The following KCNQ5 variants were observed in gnomAD, a reference collection of about 807,000 sequenced individuals.
The protein encoded by KCNQ5 is potassium voltage-gated channel subfamily KQT member 5.
A neutral mutation model predicts 98.2 loss-of-function variants in KCNQ5; 30 were observed. The observed-to-expected ratio is 0.31, with a 90% CI of 0.23 to 0.41. KCNQ5 has a LOEUF of 0.41. KCNQ5 is among the 10% of genes least tolerant of loss of function. The pLI, the probability that KCNQ5 is intolerant of heterozygous loss-of-function variation, is 1.00. For missense variants in KCNQ5, 835 were observed against 1,182.5 expected, an observed-to-expected ratio of 0.71 and a Z score of 4.31; for synonymous variants, 458 against 449.4, an observed-to-expected ratio of 1.02 and a Z score of -0.24.
chr6:73,082,919 C>G (rs1773838058), intron 5 of KCNQ5, among the ~76,000 whole-genome samples: 1 of 126,784 alleles, frequency 7.9e-6, no homozygotes, highest in Non-Finnish European at 1.6e-5. Context: ...GAGACAGGGT[C>G]TCACTCTGTC....
intron 3 of KCNQ5, among the ~76,000 whole-genome samples, chr6:73,063,706 AGATAGATAGATAGAT>A (rs869157839): frequency 2.3e-4 from 28 of 124,290 alleles, no homozygotes; most frequent in Non-Finnish European, 3.0e-4. Context: ...ATAGATAGAT[AGATAGATAGATAGAT>A]GATAGATAGA....
chr6:72,903,433 T>C (rs975764759), intron 1 of KCNQ5, among the ~76,000 whole-genome samples: 1 of 152,232 alleles, frequency 6.6e-6, no homozygotes, highest in East Asian at 1.9e-4. Context: ...ATTGTCAGTT[T>C]GTGCTCTTAC....
In KCNQ5 at chr6:72,847,505, G is replaced by A. The variant is rs111635735; in HGVS notation, c.399-156403G>A. Among the ~76,000 whole-genome samples the A allele has an allele frequency of 5.8e-3, 882 of 151,604 alleles. 6 individuals carry two copies. The highest frequency in any genetic ancestry group is 0.02 in the African/African-American group (832 of 40,986). ...GTGGTGATTGGGGGTGGACAACAGC[G>A]ATTTACCAGAAGTGGAAGAGTAAAG... On this transcript the variant is annotated intron_variant, in intron 1 of 13. Coordinates refer to ENST00000370398, the MANE Select transcript of KCNQ5 (RefSeq NM_019842.4).
intron 8 of KCNQ5, among the ~76,000 whole-genome samples, chr6:73,123,275 A>C (rs1439083869): frequency 6.6e-6 from 1 of 152,198 alleles, no homozygotes. Context: ...TTTAGGGAGC[A>C]TCAGAGGCTA....
Position 73,034,099 on chromosome 6 carries a change from T to G in KCNQ5, c.490-7837T>G, listed in dbSNP as rs12529338. On this transcript the variant is annotated intron_variant, in intron 2 of 13. Transcript: ENST00000370398. Reference sequence around the variant, plus strand: ...TTTGGAGCCATCTCTAGATCTTAATTTCATTCCCCTAATATGTGTTATACT... The same window carrying G: ...TTTGGAGCCATCTCTAGATCTTAATGTCATTCCCCTAATATGTGTTATACT... Among the ~76,000 whole-genome samples, 778 of 152,364 alleles carry G rather than the reference T, an allele frequency of 5.1e-3. 6 individuals carry two copies. The highest frequency in any genetic ancestry group is 7.3e-3 in the Non-Finnish European group (495 of 68,032).
At chr6:72,715,072 G>T (rs1241101704) in intron 1 of KCNQ5, among the ~76,000 whole-genome samples, 1 of 152,096 alleles carries the variant, frequency 6.6e-6, no homozygotes, top group East Asian at 1.9e-4. Flanking sequence ...GTCATAAATT[G>T]TCTTTCAATT....
chr6:72,894,140 G>T (rs1779158185), intron 1 of KCNQ5, among the ~76,000 whole-genome samples: 2 of 151,892 alleles, frequency 1.3e-5, no homozygotes, highest in South Asian at 2.1e-4. Context: ...AGCTTTTCTG[G>T]GCCCTTTTAA....
intron 11 of KCNQ5, among the ~76,000 whole-genome samples, chr6:73,179,202 G>A (rs1179391951): frequency 6.6e-6 from 1 of 152,144 alleles, no homozygotes; most frequent in African/African-American, 2.4e-5. Context: ...TTATAAGGAT[G>A]AATTTATTTC....
At chr6:72,828,143 A>G (rs1202167257) in intron 1 of KCNQ5, among the ~76,000 whole-genome samples, 3 of 152,146 alleles carry the variant, frequency 2.0e-5, no homozygotes, top group African/African-American at 7.2e-5. Flanking sequence ...TTTGTAGTAT[A>G]TATTGAGGAC....
intron 1 of KCNQ5, among the ~76,000 whole-genome samples, chr6:72,816,134 G>A (rs1018438111): frequency 6.6e-6 from 1 of 152,124 alleles, no homozygotes; most frequent in Non-Finnish European, 1.5e-5. Context: ...AGGGGGAGAA[G>A]GTGTCAGAAA....
intron 10 of KCNQ5, among the ~76,000 whole-genome samples, chr6:73,152,912 C>A (rs1777211777): frequency 6.6e-6 from 1 of 152,158 alleles, no homozygotes. Context: ...CCTCAACATT[C>A]AATCTGTGTA....
At chr6:72,672,748 T>G (rs1767197279) in intron 1 of KCNQ5, among the ~76,000 whole-genome samples, 1 of 152,214 alleles carries the variant, frequency 6.6e-6, no homozygotes, top group Non-Finnish European at 1.5e-5. Flanking sequence ...TTGATTTCAC[T>G]CATTATTTCA....
intron 1 of KCNQ5, among the ~76,000 whole-genome samples, chr6:72,999,277 T>C (rs1769452500): frequency 6.6e-6 from 1 of 152,216 alleles, no homozygotes; most frequent in African/African-American, 2.4e-5. Context: ...TGAGTAAACA[T>C]AGAGTCCTTT....
intron 1 of KCNQ5, among the ~76,000 whole-genome samples, chr6:72,748,408 T>C (rs2179953): frequency 0.039 from 5,943 of 152,190 alleles, 371 homozygotes; most frequent in African/African-American, 0.13. Context: ...CAGCCTGTTA[T>C]GAATGAGAAT....
At chr6:72,734,366 G>C (rs1223023223) in intron 1 of KCNQ5, among the ~76,000 whole-genome samples, 1 of 152,092 alleles carries the variant, frequency 6.6e-6, no homozygotes, top group African/African-American at 2.4e-5. Context: ...CTGTCTCCCA[G>C]GCTGGAGTGC....
chr6:73,149,561 G>A (rs1242089612), intron 10 of KCNQ5, among the ~76,000 whole-genome samples: 1 of 152,170 alleles, frequency 6.6e-6, no homozygotes, highest in Admixed American at 6.5e-5. Flanking sequence ...ACTTTGGGAT[G>A]CTGAGGCAGG....
At chr6:73,036,295 C>T (rs554843835) in intron 2 of KCNQ5, among the ~76,000 whole-genome samples, 1 of 145,798 alleles carries the variant, frequency 6.9e-6, no homozygotes, top group East Asian at 2.0e-4. Context: ...CTGAGGCAGG[C>T]GAATGGCATT....
intron 1 of KCNQ5, among the ~76,000 whole-genome samples, chr6:72,802,053 C>T (rs1774690836): frequency 6.6e-6 from 1 of 152,064 alleles, no homozygotes; most frequent in Non-Finnish European, 1.5e-5. Flanking sequence ...TCTGGCTGTC[C>T]TTAACATTTT....
chr6:72,754,795 A>G (rs902943861), intron 1 of KCNQ5, among the ~76,000 whole-genome samples: 1 of 152,178 alleles, frequency 6.6e-6, no homozygotes, highest in East Asian at 1.9e-4. Flanking sequence ...AGAATGTTGT[A>G]TAAATGTCAA....
Sources: allele counts gnomAD v4.1 joint callset (sites outside exome capture counted in the v4.1 genomes callset), GRCh38; gene constraint gnomAD v4.1.1; transcripts MANE v1.5; gene names NCBI Gene and HGNC (gene_info 2026-07-23, HGNC 2026-07-21).